The following PALLD variants were observed in gnomAD, a reference collection of about 807,000 sequenced individuals.
The protein encoded by PALLD is palladin, cytoskeletal associated protein, also known as palladin.
PALLD carries 61 observed loss-of-function variants against 123.5 expected under a neutral mutation model. That is an observed-to-expected ratio of 0.49 (90% CI 0.40 to 0.61). PALLD has a LOEUF of 0.61. Ranked by LOEUF, PALLD falls within the 20% of genes least tolerant of loss-of-function variation. The pLI, the probability that PALLD is intolerant of heterozygous loss-of-function variation, is 0.00. For missense variants in PALLD, 1,273 were observed against 1,377.0 expected, an observed-to-expected ratio of 0.92 and a Z score of 1.20; for synonymous variants, 465 against 496.4, an observed-to-expected ratio of 0.94 and a Z score of 0.84.
At chr4:168,634,638 G>A (rs1004607132) in intron 2 of PALLD, among the ~76,000 whole-genome samples, 12 of 152,170 alleles carry the variant, frequency 7.9e-5, no homozygotes, top group African/African-American at 2.4e-4. Context: ...GCGACTCCCC[G>A]TCTACTCCAG....
chr4:168,651,766 A>G (rs1217918476), intron 2 of PALLD, among the ~76,000 whole-genome samples: 1 of 152,222 alleles, frequency 6.6e-6, no homozygotes, highest in Non-Finnish European at 1.5e-5. Flanking sequence ...CCTCAGTGAC[A>G]TGAGAGTAAA....
intron 5 of PALLD, among the ~76,000 whole-genome samples, chr4:168,683,377 C>CTGTGTGTGTGTGTGTGTG (rs1206360660): frequency 1.3e-5 from 2 of 152,192 alleles, no homozygotes; most frequent in Non-Finnish European, 2.9e-5. Context: ...AAACTGGTGT[C>CTGTGTGTGTGTGTGTGTG]TGTTTTAGCT....
intron 2 of PALLD, among the ~76,000 whole-genome samples, chr4:168,645,327 G>A (rs1190114342): frequency 6.6e-6 from 1 of 152,138 alleles, no homozygotes; most frequent in Non-Finnish European, 1.5e-5. Flanking sequence ...CCCTTTAAAT[G>A]TCACTTCTGT....
At chr4:168,902,229 A>G (rs1212321596) in intron 14 of PALLD, among the ~76,000 whole-genome samples, 1 of 152,234 alleles carries the variant, frequency 6.6e-6, no homozygotes, top group Admixed American at 6.5e-5. Flanking sequence ...GTTTGTTTTA[A>G]CAACTAAAGG....
rs569026796 is a variant in PALLD, at chr4:168,709,276, G to A, written c.1621+129G>A. ...TGTAATCCCAGCACTTTGGGAGGCC[G>A]AGGCAGGCAGATCACTTGAGGTGAA... On this transcript the variant is annotated intron_variant, in intron 9 of 21. Coordinates refer to ENST00000505667, the MANE Select transcript of PALLD (RefSeq NM_001166108.2). 2.4e-5 allele frequency: 21 copies of A among 882,946 alleles called. 1 individual carries two copies. Among genetic ancestry groups the A allele is most frequent in the South Asian group, 6.9e-5 (5 of 71,964 alleles). The allele number at this position is 882,946 out of a possible 1,614,324, so 54.7% of individuals were successfully genotyped here. A position where few individuals can be genotyped will look rare whatever the true frequency, so the allele number is the denominator to read the frequency against.
chr4:168,718,495 A>G (rs567395721), intron 10 of PALLD, among the ~76,000 whole-genome samples: 2 of 152,266 alleles, frequency 1.3e-5, no homozygotes, highest in Non-Finnish European at 2.9e-5. Flanking sequence ...CGTAATTTCC[A>G]TGGAATTTCA....
chr4:168,596,200 C>A, intron 2 of PALLD, among the ~76,000 whole-genome samples: 1 of 152,118 alleles, frequency 6.6e-6, no homozygotes, highest in Non-Finnish European at 1.5e-5. Context: ...CACACTCCTA[C>A]CTGCAAGAAG....
chr4:168,777,114 A>C (rs1222528350), intron 10 of PALLD, among the ~76,000 whole-genome samples: 1 of 152,032 alleles, frequency 6.6e-6, no homozygotes, highest in Non-Finnish European at 1.5e-5. Context: ...ACACACACAC[A>C]CACACGCCCC....
At chr4:168,912,310 C>T (rs1055040423) in intron 15 of PALLD, among the ~76,000 whole-genome samples, 2 of 152,194 alleles carry the variant, frequency 1.3e-5, no homozygotes, top group Non-Finnish European at 2.9e-5. Context: ...CTCACTAAGT[C>T]TAATCATTGA....
intron 10 of PALLD, among the ~76,000 whole-genome samples, chr4:168,734,892 C>A (rs1286916838): frequency 6.6e-6 from 1 of 151,814 alleles, no homozygotes; most frequent in Non-Finnish European, 1.5e-5. Flanking sequence ...CCACTGCACT[C>A]TAGCATGGGC....
At chr4:168,675,318 C>T (rs1254218082) in intron 3 of PALLD, among the ~76,000 whole-genome samples, 2 of 152,114 alleles carry the variant, frequency 1.3e-5, no homozygotes, top group Non-Finnish European at 2.9e-5. Context: ...ATTGGCAGGT[C>T]CTGTTAGACA....
chr4:168,511,049 G>C (rs902230903), intron 1 of PALLD, among the ~76,000 whole-genome samples: 1 of 152,176 alleles, frequency 6.6e-6, no homozygotes, highest in Admixed American at 6.5e-5. Flanking sequence ...GTGGTTTAGG[G>C]TTGGATAATC....
chr4:168,658,285 G>GTTTTTTTTTTTTTT (rs66527351), intron 2 of PALLD, among the ~76,000 whole-genome samples: 2 of 131,626 alleles, frequency 1.5e-5, no homozygotes, highest in African/African-American at 3.0e-5. Context: ...TTTTTATTTG[G>GTTTTTTTTTTTTTT]TTTTTTTTTT....
intron 10 of PALLD, among the ~76,000 whole-genome samples, chr4:168,739,635 C>A (rs7699286): frequency 6.6e-6 from 1 of 152,166 alleles, no homozygotes; most frequent in African/African-American, 2.4e-5. Flanking sequence ...CAGACTTGAT[C>A]CTTACACATT....
At chr4:168,635,989 A>C (rs1776309222) in intron 2 of PALLD, among the ~76,000 whole-genome samples, 1 of 152,198 alleles carries the variant, frequency 6.6e-6, no homozygotes, top group Non-Finnish European at 1.5e-5. Flanking sequence ...CTATTTAGTA[A>C]TGTAACATTG....
chr4:168,889,296 T>A (rs1753825744), intron 10 of PALLD, among the ~76,000 whole-genome samples: 1 of 151,678 alleles, frequency 6.6e-6, no homozygotes, highest in South Asian at 2.1e-4. Flanking sequence ...CCCAAGTAGC[T>A]GGGACTACAG....
chr4:168,859,020 G>A (rs377527617), intron 10 of PALLD, among the ~76,000 whole-genome samples: 5 of 152,242 alleles, frequency 3.3e-5, no homozygotes, highest in South Asian at 2.1e-4. Context: ...TTATTTAAAT[G>A]TATTTATAAA....
At chr4:168,692,750 T>A (rs1330417916) in intron 8 of PALLD, among the ~76,000 whole-genome samples, 2 of 152,244 alleles carry the variant, frequency 1.3e-5, no homozygotes, top group Non-Finnish European at 2.9e-5. Context: ...TGTAAAAATG[T>A]TACTGCTAGC....
chr4:168,656,516 C>G (rs933804951), intron 2 of PALLD, among the ~76,000 whole-genome samples: 1 of 152,058 alleles, frequency 6.6e-6, no homozygotes, highest in Admixed American at 6.5e-5. Flanking sequence ...TGCAAAAAGC[C>G]ATAATATTCA....
Sources: allele counts gnomAD v4.1 joint callset (sites outside exome capture counted in the v4.1 genomes callset), GRCh38; gene constraint gnomAD v4.1.1; transcripts MANE v1.5; gene names NCBI Gene and HGNC (gene_info 2026-07-23, HGNC 2026-07-21).